The following EIF2D variants were observed in gnomAD, a reference collection of about 807,000 sequenced individuals.
EIF2D encodes eukaryotic translation initiation factor 2D.
A neutral mutation model predicts 77.4 loss-of-function variants in EIF2D; 56 were observed. That is an observed-to-expected ratio of 0.72 (90% CI 0.58 to 0.90). The LOEUF (loss-of-function observed/expected upper bound fraction) is 0.90. Ranked by LOEUF, EIF2D falls within the 40% of genes least tolerant of loss-of-function variation. The pLI is 0.00. For synonymous variants in EIF2D, 230 were observed against 271.0 expected, an observed-to-expected ratio of 0.85 and a Z score of 1.49; for missense variants, 574 against 706.5, an observed-to-expected ratio of 0.81 and a Z score of 2.13.
chr1:206,590,848 T>G (rs1355844665), downstream of EIF2D, among the ~76,000 whole-genome samples: 1 of 152,126 alleles, frequency 6.6e-6, no homozygotes, highest in Non-Finnish European at 1.5e-5. Flanking sequence ...ACCCAAAAAC[T>G]CAGGGAATTT....
intron 4 of EIF2D, among the ~76,000 whole-genome samples, chr1:206,607,350 CAAG>C (rs1203856670): frequency 2.6e-5 from 4 of 152,116 alleles, no homozygotes; most frequent in Non-Finnish European, 2.9e-5. Context: ...AGGACAATGA[CAAG>C]AAGGACACAC....
rs1553410350 is a variant in EIF2D, at chr1:206,597,178, G to C, written c.1310C>G (p.Pro437Arg). Residue 437 changes from proline (P) to arginine (R), a missense_variant, in exon 12 of 15, where the codon CCC becomes CGC. Physicochemically the swap from Pro to Arg is moderately radical, Grantham distance 103. Transcript: ENST00000271764. ...CTCTAAGATGCAGTCACATAGGATG[G>C]GATCCAATCTCACAAGACTAAAGGG... ...ADNKNLVRLD[P>R]ILCDCILEKN... is the part of the protein sequence containing the mutation. The C allele has an allele frequency of 6.2e-7, 1 of 1,613,776 alleles. No homozygotes were observed. Among genetic ancestry groups the C allele is most frequent in the Non-Finnish European group, 8.5e-7 (1 of 1,179,748 alleles).
chr1:206,582,439 T>G (rs1161374180), intron 2 of EIF2D, among the ~76,000 whole-genome samples: 2 of 152,192 alleles, frequency 1.3e-5, no homozygotes, highest in African/African-American at 4.8e-5. Flanking sequence ...GTTGCTAAAC[T>G]TCTCTTAGTC....
At chr1:206,569,545 C>T (rs576603121), downstream of EIF2D, among the ~76,000 whole-genome samples, 10 of 152,346 alleles carry the variant, frequency 6.6e-5, no homozygotes, top group South Asian at 4.1e-4. Context: ...TGCAAATTTC[C>T]CCCACAAAGG....
chr1:206,590,588 C>T (rs7546137), downstream of EIF2D, among the ~76,000 whole-genome samples: 1,041 of 152,080 alleles, frequency 6.8e-3, 15 homozygotes, highest in African/African-American at 0.024. Context: ...ATGCTCATGC[C>T]GGTAGAGATA....
intron 11 of EIF2D, 39 bp from the exon 12 acceptor site, chr1:206,597,234 T>G: frequency 6.6e-7 from 1 of 1,508,276 alleles, no homozygotes; most frequent in South Asian, 1.1e-5. Context: ...ATCCTAGACT[T>G]GTCCCTTCTG....
intron 2 of EIF2D, chr1:206,583,421 C>G: frequency 7.2e-7 from 1 of 1,393,592 alleles, no homozygotes; most frequent in Non-Finnish European, 1.0e-6. Flanking sequence ...TGCTCCACCA[C>G]CCGCTTCGGG....
At chr1:206,586,120 CTG>C (rs1439517026) in intron 2 of EIF2D, 2 of 152,434 alleles carry the variant, frequency 1.3e-5, no homozygotes, top group East Asian at 3.9e-4. Flanking sequence ...GCCACCTTCC[CTG>C]TGTGGACTTG....
intron 2 of EIF2D, chr1:206,582,976 G>T (rs1214916266): frequency 2.7e-5 from 7 of 261,562 alleles, no homozygotes; most frequent in Non-Finnish European, 5.3e-5. Context: ...AGTGCCAGAC[G>T]CTTTCACACT....
chr1:206,585,414 T>A (rs1669073913), intron 2 of EIF2D: 3 of 758,730 alleles, frequency 4.0e-6, no homozygotes, highest in Non-Finnish European at 7.0e-6. Flanking sequence ...GGAAGGTGAC[T>A]GTTGAGAGAG....
At chr1:206,595,981 G>T in intron 12 of EIF2D, 143 bp from the exon 13 acceptor site, 1 of 1,151,762 alleles carries the variant, frequency 8.7e-7, no homozygotes, top group Non-Finnish European at 1.2e-6. Context: ...CAAATCCCTA[G>T]GGAGCTACAG....
At chr1:206,605,233 CAG>C (rs1213058951) in intron 5 of EIF2D, 165 bp downstream of exon 5, 2 of 515,148 alleles carry the variant, frequency 3.9e-6, no homozygotes, top group Non-Finnish European at 6.9e-6. Context: ...CTTGTCCAAA[CAG>C]GGGAAAAAAA....
intron 4 of EIF2D, among the ~76,000 whole-genome samples, chr1:206,575,672 CTATCT>C (rs145172220): frequency 1.3e-5 from 2 of 152,288 alleles, no homozygotes; most frequent in Non-Finnish European, 2.9e-5. Flanking sequence ...AAACACCACC[CTATCT>C]TATGTGTAAA....
At position 206,612,200 on chromosome 1, in the gene EIF2D, G is replaced by A. The variant is rs1056883801; in HGVS notation, c.56+87C>T. The A allele has an allele frequency of 1.8e-5, 29 of 1,579,744 alleles. No homozygotes were observed. The African/African-American group carries it at 2.8e-4, about 15-fold the overall frequency. On this transcript the variant is annotated intron_variant, in intron 1 of 14. Transcript: ENST00000271764. ...CCCTCGGCCTCCACCCGAGGATGTC[G>A]GCCAAGAATAGCGAGGGCTATGGGC...
At chr1:206,591,889 G>C in intron 14 of EIF2D, 44 bp from the exon 15 acceptor site, 1 of 1,604,358 alleles carries the variant, frequency 6.2e-7, no homozygotes, top group Middle Eastern at 1.7e-4. Flanking sequence ...GCATGACCTT[G>C]CTCCCCGGCT....
chr1:206,595,649 T>C (rs1669611537), intron 13 of EIF2D, 69 bp downstream of exon 13: 3 of 1,569,062 alleles, frequency 1.9e-6, no homozygotes, highest in Non-Finnish European at 2.6e-6. Context: ...TCCAATCACA[T>C]TAGGGAGACC....
At chr1:206,573,136 A>G (rs995672242) in intron 4 of EIF2D, among the ~76,000 whole-genome samples, 19 of 152,230 alleles carry the variant, frequency 1.2e-4, no homozygotes, top group Admixed American at 1.1e-3. Context: ...ATCTCATTTC[A>G]TCTTCACAAC....
Position 206,593,506 on chromosome 1 carries a change from A to AGTGTGTGTGCGTGT in EIF2D, c.1684+112_1684+113insACACGCACACACAC, listed in dbSNP as rs1286437460. The AGTGTGTGTGCGTGT allele has an allele frequency of 5.1e-4, 226 of 442,772 alleles. 2 individuals are homozygous for AGTGTGTGTGCGTGT. The East Asian group carries it at 8.4e-3, about 16-fold the overall frequency. The allele number at this position is 442,772 out of a possible 1,614,324, so 27.4% of individuals were successfully genotyped here. A position where few individuals can be genotyped will look rare whatever the true frequency, so the allele number is the denominator to read the frequency against. On this transcript the variant is annotated intron_variant, in intron 14 of 14. Transcript: ENST00000271764. ...GAGAGAGCGAGAGAGAGAGAGAGAGAGAGTGTGTGTGTGTGTGTGTGTGTG... is the reference window on the plus strand; with the variant it reads ...GAGAGAGCGAGAGAGAGAGAGAGAGAGTGTGTGTGCGTGTGAGTGTGTGTGTGTGTGTGTGTGTG...
downstream of EIF2D, chr1:206,586,781 T>A: frequency 6.7e-7 from 1 of 1,501,852 alleles, no homozygotes; most frequent in Admixed American, 1.7e-5. Context: ...TTCTAACCTG[T>A]CTCCTATTCT....
Sources: allele counts gnomAD v4.1 joint callset (sites outside exome capture counted in the v4.1 genomes callset), GRCh38; gene constraint gnomAD v4.1.1; transcripts MANE v1.5; gene names NCBI Gene and HGNC (gene_info 2026-07-23, HGNC 2026-07-21).